CLCN7: variants seen among roughly 807,000 people sequenced by gnomAD.
CLCN7 encodes the protein Cl-/H+ antiporter 7.
CLCN7 carries 60 observed loss-of-function variants against 102.1 expected under a neutral mutation model. The observed-to-expected ratio is 0.59, with a 90% CI of 0.48 to 0.73. CLCN7 has a LOEUF of 0.73. Among genes scored for constraint, CLCN7 ranks in the 30% least tolerant of loss-of-function variants. CLCN7 has a pLI of 0.00. For synonymous variants in CLCN7, 560 were observed against 490.5 expected (o/e 1.14, Z -1.87); for missense variants, 962 against 1,125.7 (o/e 0.85, Z 2.08).
chr16:1,457,880 G>A lies in CLCN7; in HGVS notation c.676-124C>T, dbSNP rs928214776. Reference sequence around the variant, plus strand: ...GGCTGGGACACGGGGCCTCCGGGAGGGGGCCAGCACCCCCAGGCTGGGTCT... The same window carrying A: ...GGCTGGGACACGGGGCCTCCGGGAGAGGGCCAGCACCCCCAGGCTGGGTCT... On this transcript the variant is annotated intron_variant, in intron 7 of 24. Coordinates refer to ENST00000382745, the MANE Select transcript of CLCN7 (RefSeq NM_001287.6). The surrounding 1 kb of genome is among the most constrained non-coding windows in gnomAD (Gnocchi z 5.4). The A allele has an allele frequency of 2.6e-5, 24 of 939,340 alleles. No homozygotes were observed. The highest frequency in any genetic ancestry group is 1.1e-4 in the South Asian group (8 of 73,912). The allele number at this position is 939,340 out of a possible 1,614,324, so 58.2% of individuals were successfully genotyped here. A position where few individuals can be genotyped will look rare whatever the true frequency, so the allele number is the denominator to read the frequency against.
Position 1,447,020 on chromosome 16 carries a change from C to T in CLCN7, c.2317G>A (p.Asp773Asn), listed in dbSNP as rs1401870819. Residue 773 changes from aspartate (D) to asparagine (N), a missense_variant, in exon 24 of 25, where the codon GAC becomes AAC. Asp to Asn is a conservative substitution (Grantham distance 23). Transcript: ENST00000382745. ...CCCCCGCTCACCTGATTGCGGTTGT[C>T]CACCACCACCAGGTGCCGCAGGCCC... Reference protein sequence around the residue: ...ALGLRHLVVVDNRNQVVGLVT... With the variant: ...ALGLRHLVVVNNRNQVVGLVT... 1.9e-6 allele frequency: 3 copies of T among 1,598,236 alleles called. No individual in the cohort carries two copies. The East Asian group carries it at 6.8e-5, about 36-fold the overall frequency.
intron 12 of CLCN7, 118 bp from the exon 13 acceptor site, chr16:1,454,583 C>A: frequency 1.0e-6 from 1 of 986,504 alleles, no homozygotes; most frequent in Non-Finnish European, 1.6e-6. Flanking sequence ...CCTTCCCGCC[C>A]TTCCACGCAG....
At position 1,464,676 on chromosome 16, in the gene CLCN7, G is replaced by C. The variant is rs527366113; in HGVS notation, c.213+591C>G. On this transcript the variant is annotated intron_variant, in intron 2 of 24. Coordinates refer to ENST00000382745, the MANE Select transcript of CLCN7 (RefSeq NM_001287.6). ...AGGTGGGGCCTGATGGGGAGAAGGA[G>C]GACGCCCGGGGTGTTGCCAACATCA... Among the ~76,000 whole-genome samples the C allele has an allele frequency of 3.3e-5, 5 of 152,346 alleles. No homozygotes were observed. In the South Asian group the frequency reaches 6.2e-4, roughly 19 times the overall value.
chr16:1,447,738 G>A, intron 21 of CLCN7, 24 bp from the exon 22 acceptor site: 1 of 1,549,060 alleles, frequency 6.5e-7, no homozygotes, highest in Non-Finnish European at 8.7e-7. Flanking sequence ...CCGCGGTCAG[G>A]GCCACGGGCC....
At chr16:1,450,117 T>C (rs2038721094) in intron 17 of CLCN7, 2 of 302,982 alleles carry the variant, frequency 6.6e-6, no homozygotes, top group South Asian at 3.4e-5. Context: ...TGGAGGGCAG[T>C]GTATGCCGCT....
intron 14 of CLCN7, 89 bp from the exon 15 acceptor site, chr16:1,452,982 A>G (rs1327602560): frequency 2.3e-5 from 34 of 1,501,786 alleles, no homozygotes; most frequent in Non-Finnish European, 3.1e-5. Context: ...CTGATGGAGG[A>G]CACTGGGCCC....
Position 1,461,381 on chromosome 16 carries a change from T to C in CLCN7, c.351+24A>G, listed in dbSNP as rs759118819. 29 of 1,546,846 alleles carry C rather than the reference T, an allele frequency of 1.9e-5. No individual in the cohort carries two copies. In the South Asian group the frequency reaches 2.9e-4, roughly 15 times the overall value. ...CACCAGGCCCCGCACCGTGGGGCCC[T>C]GCAGGGAGCGGCGTCCAGCTCACCG... is the stretch of plus-strand genomic sequence containing the variant. On this transcript the variant is annotated intron_variant, in intron 4 of 24. Transcript: ENST00000382745.
intron 1 of CLCN7, among the ~76,000 whole-genome samples, chr16:1,465,936 C>T (rs1304194692): frequency 6.6e-6 from 1 of 152,248 alleles, no homozygotes; most frequent in Non-Finnish European, 1.5e-5. Context: ...GCAGATGTGA[C>T]TTACGGAGCT....
Position 1,475,005 on chromosome 16 carries a change from G to A in CLCN7, c.-31C>T. 1 of 1,431,648 alleles carries A rather than the reference G, an allele frequency of 7.0e-7. No individual in the cohort carries two copies. Among genetic ancestry groups the A allele is most frequent in the South Asian group, 1.4e-5 (1 of 71,712 alleles). The allele number at this position is 1,431,648 out of a possible 1,614,324, so 88.7% of individuals were successfully genotyped here. ...GCCGCGGAGCGACACCGGCCGGGAA[G>A]CGCCGGCTGCCCCCGTGTTTGTTCT... On this transcript the variant is annotated 5_prime_UTR_variant, in exon 1 of 25. Coordinates refer to ENST00000382745, the MANE Select transcript of CLCN7 (RefSeq NM_001287.6).
At chr16:1,461,355 G>T in intron 4 of CLCN7, 50 bp downstream of exon 4, 1 of 1,492,986 alleles carries the variant, frequency 6.7e-7, no homozygotes. Flanking sequence ...GGCCCGGCCG[G>T]CACCAGGCCC....
intron 14 of CLCN7, 137 bp from the exon 15 acceptor site, chr16:1,453,030 G>C: frequency 7.7e-7 from 1 of 1,306,030 alleles, no homozygotes; most frequent in Non-Finnish European, 1.1e-6. Context: ...TTTTTGAGAC[G>C]GAGTTTTGCT....
In CLCN7 at chr16:1,451,515, G is replaced by T. The variant is rs2038750348; in HGVS notation, c.1447+108C>A. 21 of 855,318 alleles carry T rather than the reference G, an allele frequency of 2.5e-5. No individual in the cohort carries two copies. In the Admixed American group the frequency reaches 4.2e-4, roughly 17 times the overall value. The allele number at this position is 855,318 out of a possible 1,614,324, so 53.0% of individuals were successfully genotyped here. A position where few individuals can be genotyped will look rare whatever the true frequency, so the allele number is the denominator to read the frequency against. Reference sequence around the variant, plus strand: ...CCCTGCTATGATCCATGCTAGGGATGACCCCCCAGCCCAGGGCTGCAACCT... The same window carrying T: ...CCCTGCTATGATCCATGCTAGGGATTACCCCCCAGCCCAGGGCTGCAACCT... On this transcript the variant is annotated intron_variant, in intron 16 of 24. Coordinates refer to ENST00000382745, the MANE Select transcript of CLCN7 (RefSeq NM_001287.6).
intron 1 of CLCN7, among the ~76,000 whole-genome samples, chr16:1,471,343 T>C (rs991760495): frequency 6.6e-6 from 1 of 152,194 alleles, no homozygotes; most frequent in South Asian, 2.1e-4. Flanking sequence ...TCATGTTCAC[T>C]GGAACAGTCC....
intron 3 of CLCN7, 37 bp from the exon 4 acceptor site, chr16:1,461,507 G>A (rs769460361): frequency 1.9e-4 from 300 of 1,599,256 alleles, no homozygotes; most frequent in Non-Finnish European, 2.2e-4. Context: ...ACTCAGCACC[G>A]AACCCACGCT....
In CLCN7 at chr16:1,455,970, C is replaced by T. The variant is rs2038828916; in HGVS notation, c.916+143G>A. 4.1e-6 allele frequency: 4 copies of T among 975,796 alleles called. No individual in the cohort carries two copies. The Admixed American group carries it at 6.3e-5, about 15-fold the overall frequency. 60.4% of individuals were successfully genotyped at this position (975,796 alleles called of 1,614,324 possible). On this transcript the variant is annotated intron_variant, in intron 10 of 24. Coordinates refer to ENST00000382745, the MANE Select transcript of CLCN7 (RefSeq NM_001287.6). ...GAGGTCTGAGGGCTGGACCCAAGTACACTGCCGGCCGCTTCCAAATGCCCC... is the reference window on the plus strand; with the variant it reads ...GAGGTCTGAGGGCTGGACCCAAGTATACTGCCGGCCGCTTCCAAATGCCCC...
At chr16:1,464,815 G>A (rs990471338) in intron 2 of CLCN7, among the ~76,000 whole-genome samples, 7 of 152,212 alleles carry the variant, frequency 4.6e-5, no homozygotes, top group South Asian at 4.1e-4. Context: ...AACCGAGGCC[G>A]GCGGGAGATG....
intron 7 of CLCN7, among the ~76,000 whole-genome samples, chr16:1,458,355 T>C (rs1213463624): frequency 2.0e-5 from 3 of 152,210 alleles, no homozygotes; most frequent in African/African-American, 7.2e-5. Flanking sequence ...CCGAGCAAAC[T>C]CAACCCTCAG....
Position 1,454,483 on chromosome 16 carries a change from G to A in CLCN7, c.1099-18C>T, listed in dbSNP as rs750778072. 1.9e-5 allele frequency: 31 copies of A among 1,612,026 alleles called. No homozygotes were observed. Among genetic ancestry groups the A allele is most frequent in the Non-Finnish European group, 2.6e-5 (31 of 1,178,614 alleles). On this transcript the variant is annotated intron_variant, in intron 12 of 24. Transcript: ENST00000382745. The stretch of plus-strand genomic sequence containing the variant: ...GCCATTTTCTGTGCAGAGAGAGGGA[G>A]AAGGCAGAGGATGTGAGGGAAAAGG...
chr16:1,450,463 A>C (rs751474383), intron 17 of CLCN7, 34 bp downstream of exon 17: 1 of 1,561,332 alleles, frequency 6.4e-7, no homozygotes, highest in South Asian at 1.2e-5. Flanking sequence ...GCTCAGCTGC[A>C]GGGCCCCACA....
Sources: gnomAD v4.1 joint callset for allele counts (sites outside exome capture counted in the v4.1 genomes callset) on GRCh38, gnomAD v4.1.1 for gene constraint, Gnocchi (gnomAD v3.1) non-coding constraint, MANE v1.5 for transcripts, NCBI Gene and HGNC (gene_info 2026-07-23, HGNC 2026-07-21) for gene names.